MAP4K5: variants seen among roughly 807,000 people sequenced by gnomAD.
The protein encoded by MAP4K5 is MAPK/ERK kinase kinase kinase 5.
In MAP4K5, 82 loss-of-function variants were observed where a neutral mutation model predicts 135.6. The observed-to-expected ratio is 0.60, with a 90% CI of 0.51 to 0.73. The LOEUF (loss-of-function observed/expected upper bound fraction) is 0.73, where lower values mean the gene tolerates loss of function less well. Among genes scored for constraint, MAP4K5 ranks in the 30% least tolerant of loss-of-function variants. The pLI is 0.00. For synonymous variants in MAP4K5, 347 were observed against 335.0 expected (o/e 1.04, Z -0.39); for missense variants, 907 against 1,010.9 (o/e 0.90, Z 1.39).
At chr14:50,490,076 T>C (rs1566674952) in intron 3 of MAP4K5, among the ~76,000 whole-genome samples, 1 of 149,984 alleles carries the variant, frequency 6.7e-6, no homozygotes, top group Non-Finnish European at 1.5e-5. Context: ...TGCATGGGTG[T>C]GTGTGTGTGT....
chr14:50,486,027 C>A (rs956665683), intron 4 of MAP4K5, 77 bp downstream of exon 4: 10 of 650,354 alleles, frequency 1.5e-5, no homozygotes, highest in Non-Finnish European at 2.2e-5. Context: ...TATAGTAGCA[C>A]TTACATACAA....
chr14:50,512,966 A>G (rs2037960456), intron 2 of MAP4K5, among the ~76,000 whole-genome samples: 1 of 152,156 alleles, frequency 6.6e-6, no homozygotes, highest in South Asian at 2.1e-4. Flanking sequence ...AGATCTAACT[A>G]TATTTCTGAT....
At chr14:50,511,333 T>C (rs2037925445) in intron 2 of MAP4K5, among the ~76,000 whole-genome samples, 1 of 151,994 alleles carries the variant, frequency 6.6e-6, no homozygotes, top group African/African-American at 2.4e-5. Context: ...ATGTTCTCAC[T>C]CACATGTGGA....
upstream of MAP4K5, among the ~76,000 whole-genome samples, chr14:50,535,672 G>A (rs2038482653): frequency 6.6e-6 from 1 of 152,154 alleles, no homozygotes; most frequent in Non-Finnish European, 1.5e-5. Context: ...TGTTCTGGAT[G>A]GCAATAGAAC....
intron 13 of MAP4K5, among the ~76,000 whole-genome samples, chr14:50,459,699 C>CTTT (rs58066955): frequency 3.5e-4 from 51 of 144,132 alleles, no homozygotes; most frequent in Non-Finnish European, 5.9e-4. Flanking sequence ...CTTTCTTTCT[C>CTTT]TTTTTTTTTT....
At chr14:50,498,341 T>G (rs930725431) in intron 3 of MAP4K5, among the ~76,000 whole-genome samples, 1 of 152,230 alleles carries the variant, frequency 6.6e-6, no homozygotes, top group Admixed American at 6.5e-5. Flanking sequence ...AGGTGGTGAC[T>G]TTAGTAAGTA....
chr14:50,535,083 A>T (rs2140138331), upstream of MAP4K5, among the ~76,000 whole-genome samples: 1 of 152,344 alleles, frequency 6.6e-6, no homozygotes, highest in African/African-American at 2.4e-5. Flanking sequence ...ATTGTCATGC[A>T]TTCTTAGTAT....
At chr14:50,534,669 A>T (rs2038470643), upstream of MAP4K5, among the ~76,000 whole-genome samples, 1 of 152,254 alleles carries the variant, frequency 6.6e-6, no homozygotes, top group Non-Finnish European at 1.5e-5. Context: ...GGAAAAAGTC[A>T]AGACTCTATG....
At chr14:50,559,063 A>T (rs2038800146) in intron 1 of MAP4K5, 1 of 152,258 alleles carries the variant, frequency 6.6e-6, no homozygotes, top group Non-Finnish European at 1.5e-5. Flanking sequence ...CACCTCTGGT[A>T]TAATGTCCTC....
intron 13 of MAP4K5, among the ~76,000 whole-genome samples, chr14:50,459,632 C>T (rs529352259): frequency 2.6e-5 from 4 of 152,050 alleles, no homozygotes; most frequent in East Asian, 3.9e-4. Context: ...AGCTCTGTAT[C>T]GTTATCTTCT....
At chr14:50,513,476 TA>T (rs1306853399) in intron 2 of MAP4K5, among the ~76,000 whole-genome samples, 1 of 152,278 alleles carries the variant, frequency 6.6e-6, no homozygotes, top group African/African-American at 2.4e-5. Flanking sequence ...AAGAAAAGTC[TA>T]AACATTTTAC....
chr14:50,457,545 C>A (rs1370923993), intron 13 of MAP4K5, among the ~76,000 whole-genome samples: 2 of 152,064 alleles, frequency 1.3e-5, no homozygotes, highest in African/African-American at 4.8e-5. Flanking sequence ...ACTTCAATAC[C>A]CACCAAAACA....
intron 2 of MAP4K5, among the ~76,000 whole-genome samples, chr14:50,512,651 G>A (rs7152386): frequency 0.94 from 143,785 of 152,192 alleles, 68,445 homozygotes; most frequent in East Asian, 1. Context: ...TTAAAACAGA[G>A]AGCAGTACCA....
intron 21 of MAP4K5, among the ~76,000 whole-genome samples, chr14:50,441,785 CACACACACACACATAT>C (rs2036235163): frequency 1.0e-5 from 1 of 99,006 alleles, no homozygotes; most frequent in Non-Finnish European, 2.2e-5. Context: ...CACACACACA[CACACACACACACATAT>C]ATATACCCCC....
chr14:50,552,082 G>A (rs1595573052), intron 1 of MAP4K5, among the ~76,000 whole-genome samples: 2 of 152,122 alleles, frequency 1.3e-5, no homozygotes, highest in Non-Finnish European at 1.5e-5. Context: ...GTTGCTGTTC[G>A]CCGATGATAT....
At position 50,543,686 on chromosome 14, in the gene MAP4K5, C is replaced by T. The variant is rs369557094; in HGVS notation, c.-179-1102G>A. 2.6e-5 allele frequency among the ~76,000 whole-genome samples: 4 copies of T among 152,266 alleles called. No individual in the cohort carries two copies. In the East Asian group the frequency reaches 5.8e-4, roughly 22 times the overall value. Reference sequence around the variant, plus strand: ...TGTAAGGATGTAGTATAGGACTCAACCCAGTCACCATTATATGTTGTCATC... The same window carrying T: ...TGTAAGGATGTAGTATAGGACTCAATCCAGTCACCATTATATGTTGTCATC... On this transcript the variant is annotated intron_variant, in intron 1 of 8. Transcript: ENST00000555216.
chr14:50,434,299 G>A (rs1287364803), intron 28 of MAP4K5, 95 bp downstream of exon 28: 1 of 847,958 alleles, frequency 1.2e-6, no homozygotes, highest in Admixed American at 2.8e-5. Flanking sequence ...ATTTAAAAGA[G>A]CCCACACTGG....
chr14:50,545,355 GCTTTT>G (rs1250059359), intron 1 of MAP4K5, among the ~76,000 whole-genome samples: 1 of 152,114 alleles, frequency 6.6e-6, no homozygotes, highest in African/African-American at 2.4e-5. Context: ...AAAATCCTGG[GCTTTT>G]CTTATAACAA....
rs1394653527 is a variant in MAP4K5 at position 50,468,667 on chromosome 14, C to A, written c.658G>T (p.Asp220Tyr). ...ELGELQPPMFDLHPMRALFLM... is the reference protein window; with the variant it reads ...ELGELQPPMFYLHPMRALFLM... ...TGAGAACACCTCATTGGGTGGAGAT[C>A]AAACATAGGTGGCTGAAGTTCTCCA... is the stretch of plus-strand genomic sequence containing the variant. The change falls in exon 10 of 33, where the codon GAT (aspartate) becomes TAT (tyrosine). Residue 220 changes from aspartate (D) to tyrosine (Y), a missense_variant. By Grantham distance (160) the Asp-to-Tyr change is radical. Transcript: ENST00000682126. 2 of 1,613,380 alleles carry A rather than the reference C, an allele frequency of 1.2e-6. No individual in the cohort carries two copies. Among genetic ancestry groups the A allele is most frequent in the Non-Finnish European group, 1.7e-6 (2 of 1,179,526 alleles).
Sources: allele counts gnomAD v4.1 joint callset (sites outside exome capture counted in the v4.1 genomes callset), GRCh38; gene constraint gnomAD v4.1.1; transcripts MANE v1.5; gene names NCBI Gene and HGNC (gene_info 2026-07-23, HGNC 2026-07-21).